Variants in FBXL17 observed in about 807,000 individuals in gnomAD.
The protein encoded by FBXL17 is F-box/LRR-repeat protein 17.
A neutral mutation model predicts 66.2 loss-of-function variants in FBXL17; 22 were observed. The observed-to-expected ratio is 0.33, with a 90% confidence interval of 0.24 to 0.47. The LOEUF (loss-of-function observed/expected upper bound fraction) is 0.47, where lower values mean the gene tolerates loss of function less well. FBXL17 is among the 20% of genes least tolerant of loss of function. FBXL17 has a pLI of 1.00. For missense variants in FBXL17, 878 were observed against 948.2 expected (o/e 0.93, Z 0.97); for synonymous variants, 474 against 400.5 (o/e 1.18, Z -2.19).
intron 4 of FBXL17, among the ~76,000 whole-genome samples, chr5:108,251,340 C>T (rs934241943): frequency 6.6e-6 from 1 of 151,946 alleles, no homozygotes; most frequent in African/African-American, 2.4e-5. Flanking sequence ...AGGGTGTAAA[C>T]CTTCTCATAT....
chr5:108,136,355 T>G (rs17161055), intron 6 of FBXL17, among the ~76,000 whole-genome samples: 5,400 of 152,080 alleles, frequency 0.036, 320 homozygotes, highest in African/African-American at 0.12. Flanking sequence ...GTGAAAAAAT[T>G]AGGTATTCAA....
chr5:108,076,722 T>C (rs1321384981), intron 6 of FBXL17, among the ~76,000 whole-genome samples: 1 of 152,162 alleles, frequency 6.6e-6, no homozygotes, highest in Admixed American at 6.5e-5. Flanking sequence ...CTCCCCTTTC[T>C]ACACCTTTCC....
chr5:107,867,087 T>C (rs963330190), intron 8 of FBXL17, among the ~76,000 whole-genome samples: 3 of 152,196 alleles, frequency 2.0e-5, no homozygotes, highest in Non-Finnish European at 4.4e-5. Flanking sequence ...ATTGTAGAGA[T>C]AAGCTCACCT....
At chr5:108,088,738 A>AAAAAAAAAAAAAAAAC (rs1749073445) in intron 6 of FBXL17, among the ~76,000 whole-genome samples, 1 of 122,988 alleles carries the variant, frequency 8.1e-6, no homozygotes, top group African/African-American at 3.0e-5. Flanking sequence ...AAAAAAAAAA[A>AAAAAAAAAAAAAAAAC]AGATACCTGT....
At chr5:108,165,334 T>TCCCCA (rs10675513) in intron 6 of FBXL17, among the ~76,000 whole-genome samples, 1 of 151,454 alleles carries the variant, frequency 6.6e-6, no homozygotes, top group Non-Finnish European at 1.5e-5. Context: ...TGAAAAGATG[T>TCCCCA]AAATGTAAAC....
chr5:108,342,091 C>T (rs1456377699), intron 4 of FBXL17, among the ~76,000 whole-genome samples: 1 of 152,144 alleles, frequency 6.6e-6, no homozygotes, highest in Non-Finnish European at 1.5e-5. Flanking sequence ...CACATAGTAA[C>T]TGTTCAAATG....
At chr5:108,005,890 T>G (rs796430064) in intron 7 of FBXL17, among the ~76,000 whole-genome samples, 9 of 152,320 alleles carry the variant, frequency 5.9e-5, no homozygotes, top group African/African-American at 2.2e-4. Flanking sequence ...TATGTGGATC[T>G]TACCTCCTTA....
intron 6 of FBXL17, among the ~76,000 whole-genome samples, chr5:108,149,644 T>C (rs1751692594): frequency 6.6e-6 from 1 of 152,190 alleles, no homozygotes. Context: ...TTAACCACCT[T>C]ACATTACATA....
At chr5:107,949,234 T>C (rs1278153585) in intron 7 of FBXL17, among the ~76,000 whole-genome samples, 1 of 151,536 alleles carries the variant, frequency 6.6e-6, no homozygotes, top group Non-Finnish European at 1.5e-5. Context: ...GTTACTTATA[T>C]ATACAACAAG....
At chr5:108,318,307 C>A (rs1220242220) in intron 4 of FBXL17, among the ~76,000 whole-genome samples, 1 of 151,656 alleles carries the variant, frequency 6.6e-6, no homozygotes, top group Non-Finnish European at 1.5e-5. Context: ...ATGTCTTCAG[C>A]AAAACAATCA....
rs534087074 is a variant in FBXL17 at position 108,193,392 on chromosome 5, T to C, written c.1615-7145A>G. Among the ~76,000 whole-genome samples the C allele has an allele frequency of 3.3e-5, 5 of 152,064 alleles. No individual in the cohort carries two copies. The South Asian group carries it at 8.3e-4, about 25-fold the overall frequency. On this transcript the variant is annotated intron_variant, in intron 5 of 8. Transcript: ENST00000542267. ...GAGAAAGGGAAAGGGGTGGTAGCAA[T>C]AGATCTTGAAGTATAAAAGTAGAAA...
At chr5:108,111,293 G>C (rs1750023429) in intron 6 of FBXL17, among the ~76,000 whole-genome samples, 1 of 152,102 alleles carries the variant, frequency 6.6e-6, no homozygotes, top group East Asian at 1.9e-4. Flanking sequence ...GGTTTGATTG[G>C]ATTGGTATTT....
intron 4 of FBXL17, among the ~76,000 whole-genome samples, chr5:108,289,979 T>C (rs1758047638): frequency 6.6e-6 from 1 of 152,146 alleles, no homozygotes; most frequent in South Asian, 2.1e-4. Flanking sequence ...CACAAATAAA[T>C]GCTATGCAGA....
chr5:108,208,616 G>A (rs913509831), intron 5 of FBXL17, among the ~76,000 whole-genome samples: 3 of 152,094 alleles, frequency 2.0e-5, no homozygotes, highest in Non-Finnish European at 4.4e-5. Context: ...AGATCAGATG[G>A]TTGTAGATAC....
chr5:108,261,273 TGACA>T (rs1756809752), intron 4 of FBXL17, among the ~76,000 whole-genome samples: 1 of 151,316 alleles, frequency 6.6e-6, no homozygotes, highest in African/African-American at 2.4e-5. Flanking sequence ...AGAGGGAGGT[TGACA>T]GACCAAAAAA....
intron 4 of FBXL17, among the ~76,000 whole-genome samples, chr5:108,255,929 G>T (rs754721181): frequency 6.6e-6 from 1 of 152,158 alleles, no homozygotes; most frequent in Non-Finnish European, 1.5e-5. Flanking sequence ...AAAGCAAGGC[G>T]TAAGGCAAGG....
chr5:108,285,691 G>T (rs2150155443), intron 4 of FBXL17, among the ~76,000 whole-genome samples: 1 of 151,848 alleles, frequency 6.6e-6, no homozygotes, highest in Middle Eastern at 3.4e-3. Context: ...ATGTGGGCTT[G>T]AAAACAGTGG....
intron 4 of FBXL17, among the ~76,000 whole-genome samples, chr5:108,261,589 C>T (rs1351596472): frequency 1.3e-5 from 2 of 152,016 alleles, no homozygotes; most frequent in Non-Finnish European, 2.9e-5. Context: ...ATGCTTTAGG[C>T]ATACAAGGCC....
intron 7 of FBXL17, among the ~76,000 whole-genome samples, chr5:107,989,040 T>C (rs1753127046): frequency 6.6e-6 from 1 of 152,036 alleles, no homozygotes; most frequent in Non-Finnish European, 1.5e-5. Context: ...ATTTATGGGG[T>C]ACAGGCGACA....
Sources: allele counts gnomAD v4.1 joint callset (sites outside exome capture counted in the v4.1 genomes callset), GRCh38; gene constraint gnomAD v4.1.1; transcripts MANE v1.5; gene names NCBI Gene and HGNC (gene_info 2026-07-23, HGNC 2026-07-21).